Variants in PHACTR1 observed in about 807,000 individuals in gnomAD.
PHACTR1 encodes RPEL repeat containing 1.
PHACTR1 carries 16 observed loss-of-function variants against 69.2 expected under a neutral mutation model. That is an observed-to-expected ratio of 0.23 (90% CI 0.16 to 0.35). The LOEUF is 0.35. PHACTR1 is among the 10% of genes least tolerant of loss of function. The pLI is 1.00. For synonymous variants in PHACTR1, 312 were observed against 284.5 expected, an observed-to-expected ratio of 1.10 and a Z score of -0.97; for missense variants, 510 against 734.7, an observed-to-expected ratio of 0.69 and a Z score of 3.54.
intron 3 of PHACTR1, among the ~76,000 whole-genome samples, chr6:12,726,087 G>C (rs898145119): frequency 3.9e-5 from 6 of 152,078 alleles, no homozygotes; most frequent in Non-Finnish European, 8.8e-5. Context: ...TAGAGATATA[G>C]GCAATGGAAG....
chr6:13,208,628 C>CG (rs1766290250), intron 8 of PHACTR1, among the ~76,000 whole-genome samples: 1 of 119,880 alleles, frequency 8.3e-6, no homozygotes. Flanking sequence ...GTCATTGCTG[C>CG]CCACCCCCCC....
At chr6:12,835,502 T>A (rs1402465024) in intron 4 of PHACTR1, among the ~76,000 whole-genome samples, 1 of 152,166 alleles carries the variant, frequency 6.6e-6, no homozygotes, top group Admixed American at 6.5e-5. Context: ...TTATTTTTAA[T>A]AGACTGTACA....
Position 13,131,198 on chromosome 6 carries a change from T to C in PHACTR1, c.416-29006T>C, listed in dbSNP as rs2327676. 7.6e-3 allele frequency among the ~76,000 whole-genome samples: 734 copies of C among 96,444 alleles called. 16 individuals are homozygous for C. The highest frequency in any genetic ancestry group is 0.033 in the African/African-American group (707 of 21,232). The allele number at this position is 96,444 out of a possible 152,430, so 63.3% of individuals were successfully genotyped here. ...GTATATACACACACACACACATATATATATACACATACACACACACACACA... is the reference window on the plus strand; with the variant it reads ...GTATATACACACACACACACATATACATATACACATACACACACACACACA... On this transcript the variant is annotated intron_variant, in intron 5 of 14. Coordinates refer to ENST00000332995, the MANE Select transcript of PHACTR1 (RefSeq NM_030948.6).
chr6:12,733,412 C>A (rs1763819139), intron 3 of PHACTR1, among the ~76,000 whole-genome samples: 1 of 152,276 alleles, frequency 6.6e-6, no homozygotes, highest in African/African-American at 2.4e-5. Flanking sequence ...TTATAAGAAA[C>A]TAAACCTCAG....
intron 4 of PHACTR1, among the ~76,000 whole-genome samples, chr6:13,008,598 CA>C (rs1799089386): frequency 6.6e-6 from 1 of 152,070 alleles, no homozygotes; most frequent in African/African-American, 2.4e-5. Context: ...CTAGCATCTG[CA>C]AAAAACAAAC....
intron 4 of PHACTR1, among the ~76,000 whole-genome samples, chr6:12,838,103 G>A (rs971298262): frequency 3.3e-5 from 5 of 152,168 alleles, no homozygotes; most frequent in Admixed American, 6.5e-5. Flanking sequence ...ACCCCAACAC[G>A]GCTACTAGCT....
chr6:13,155,264 T>G (rs773849005), intron 5 of PHACTR1, among the ~76,000 whole-genome samples: 70 of 152,344 alleles, frequency 4.6e-4, no homozygotes, highest in Non-Finnish European at 8.5e-4. Context: ...TCCTACACTT[T>G]CTTTTCAATC....
chr6:13,224,529 T>A (rs55753088), intron 8 of PHACTR1, among the ~76,000 whole-genome samples: 3,444 of 152,308 alleles, frequency 0.023, 133 homozygotes, highest in African/African-American at 0.076. Context: ...TGCAGGCTAA[T>A]GGTTTTCACC....
intron 4 of PHACTR1, among the ~76,000 whole-genome samples, chr6:12,915,248 G>A (rs568646121): frequency 2.6e-5 from 4 of 152,268 alleles, no homozygotes; most frequent in Non-Finnish European, 5.9e-5. Context: ...GCTCACGCCT[G>A]TAATCCCAGC....
At chr6:13,037,798 A>C (rs1208751750) in intron 4 of PHACTR1, among the ~76,000 whole-genome samples, 2 of 152,256 alleles carry the variant, frequency 1.3e-5, no homozygotes, top group Non-Finnish European at 2.9e-5. Flanking sequence ...AACAAAAGTC[A>C]GAACACAGAA....
intron 6 of PHACTR1, among the ~76,000 whole-genome samples, chr6:13,180,408 A>G (rs889324269): frequency 6.6e-6 from 1 of 152,190 alleles, no homozygotes; most frequent in Non-Finnish European, 1.5e-5. Flanking sequence ...CAAGAGGAGC[A>G]AGCAATATTG....
intron 6 of PHACTR1, among the ~76,000 whole-genome samples, chr6:13,170,707 C>T (rs559724560): frequency 5.3e-5 from 8 of 152,220 alleles, no homozygotes; most frequent in Non-Finnish European, 8.8e-5. Context: ...GCCAGGGTTT[C>T]CAGTTCTGGC....
intron 3 of PHACTR1, among the ~76,000 whole-genome samples, chr6:12,734,278 T>C (rs1172867373): frequency 6.6e-6 from 1 of 152,206 alleles, no homozygotes; most frequent in African/African-American, 2.4e-5. Context: ...TTTTACAAGG[T>C]CTAATAAGCT....
intron 7 of PHACTR1, among the ~76,000 whole-genome samples, chr6:13,184,289 C>A (rs1017351361): frequency 6.6e-6 from 1 of 152,140 alleles, no homozygotes; most frequent in African/African-American, 2.4e-5. Context: ...ACAGAGCGGA[C>A]CCAGTGGACA....
At chr6:13,104,805 A>G (rs1815814725) in intron 5 of PHACTR1, among the ~76,000 whole-genome samples, 1 of 152,224 alleles carries the variant, frequency 6.6e-6, no homozygotes, top group Non-Finnish European at 1.5e-5. Context: ...ATAAAAAGGT[A>G]TTGGCTATGC....
chr6:12,822,685 A>G (rs1776355997), intron 4 of PHACTR1, among the ~76,000 whole-genome samples: 1 of 152,220 alleles, frequency 6.6e-6, no homozygotes, highest in South Asian at 2.1e-4. Context: ...ACAGAAGCCC[A>G]TCAGGAAAGA....
rs563541761 is a variant in PHACTR1 at position 13,077,492 on chromosome 6, A to G, written c.415+23963A>G. On this transcript the variant is annotated intron_variant, in intron 5 of 14. Coordinates refer to ENST00000332995, the MANE Select transcript of PHACTR1 (RefSeq NM_030948.6). ...GCCAGTGGAATAAACAAAGGCACAGATCAGAAGTGTGTTTTGGAAGTTTGA... is the reference window on the plus strand; with the variant it reads ...GCCAGTGGAATAAACAAAGGCACAGGTCAGAAGTGTGTTTTGGAAGTTTGA... Among the ~76,000 whole-genome samples the G allele has an allele frequency of 3.3e-5, 5 of 152,314 alleles. No homozygotes were observed. In the East Asian group the frequency reaches 9.6e-4, roughly 29 times the overall value.
At chr6:12,847,221 A>C (rs1263906659) in intron 4 of PHACTR1, among the ~76,000 whole-genome samples, 2 of 152,216 alleles carry the variant, frequency 1.3e-5, no homozygotes, top group Non-Finnish European at 2.9e-5. Flanking sequence ...ACCTGGTATA[A>C]TCACATTCAC....
At position 12,866,553 on chromosome 6, in the gene PHACTR1, C is replaced by G. The variant is rs1424554564; in HGVS notation, c.250+116763C>G. On this transcript the variant is annotated intron_variant, in intron 4 of 14. Coordinates refer to ENST00000332995, the MANE Select transcript of PHACTR1 (RefSeq NM_030948.6). The stretch of plus-strand genomic sequence containing the variant: ...TTTTTATGTCAGAAAGAATTGGTAC[C>G]TACAAGGCTCCGCCCACTCAATCTT... 3.9e-5 allele frequency among the ~76,000 whole-genome samples: 6 copies of G among 152,106 alleles called. No individual in the cohort carries two copies. In the East Asian group the frequency reaches 1.2e-3, roughly 29 times the overall value.
Sources: gnomAD v4.1 joint callset for allele counts (sites outside exome capture counted in the v4.1 genomes callset) on GRCh38, gnomAD v4.1.1 for gene constraint, MANE v1.5 for transcripts, NCBI Gene and HGNC (gene_info 2026-07-23, HGNC 2026-07-21) for gene names.